Variants in DAB1 observed in about 807,000 individuals in gnomAD.
The protein encoded by DAB1 is DAB adaptor protein 1, also known as disabled homolog 1.
Under a neutral mutation model 64.6 loss-of-function variants are expected in DAB1, and 15 were observed. The ratio of observed to expected loss-of-function variants is 0.23; its 90% confidence interval spans 0.16 to 0.36. The LOEUF (loss-of-function observed/expected upper bound fraction) is 0.36. DAB1 is among the 10% of genes least tolerant of loss of function. The pLI, the probability that DAB1 is intolerant of heterozygous loss-of-function variation, is 1.00. For missense variants in DAB1, 596 were observed against 706.7 expected, an observed-to-expected ratio of 0.84 and a Z score of 1.78; for synonymous variants, 235 against 251.9, an observed-to-expected ratio of 0.93 and a Z score of 0.64.
intron 1 of DAB1, among the ~76,000 whole-genome samples, chr1:57,408,681 T>C (rs1012025694): frequency 1.1e-4 from 17 of 152,158 alleles, no homozygotes; most frequent in African/African-American, 4.1e-4. Context: ...TGGGATACGG[T>C]AGGAGAAATG....
chr1:58,325,617 G>C (rs373776579), intron 4 of DAB1, among the ~76,000 whole-genome samples: 2 of 152,134 alleles, frequency 1.3e-5, no homozygotes, highest in East Asian at 3.9e-4. Flanking sequence ...TAGGGCCTCA[G>C]TTTTCTCATT....
At chr1:57,697,596 A>C (rs988078483) in intron 6 of DAB1, among the ~76,000 whole-genome samples, 1 of 152,188 alleles carries the variant, frequency 6.6e-6, no homozygotes, top group Non-Finnish European at 1.5e-5. Context: ...CTCAAGACCT[A>C]AGATAATACA....
At chr1:57,271,651 A>G (rs1174790414) in intron 2 of DAB1, among the ~76,000 whole-genome samples, 2 of 152,196 alleles carry the variant, frequency 1.3e-5, no homozygotes, top group Non-Finnish European at 2.9e-5. Flanking sequence ...TGTGAGAGCT[A>G]CTGTACTAGA....
In DAB1 at chr1:57,249,096, C is replaced by T. The variant is rs186346846; in HGVS notation, c.67+41868G>A. Among the ~76,000 whole-genome samples, 68 of 152,296 alleles carry T rather than the reference C, an allele frequency of 4.5e-4. 1 individual carries two copies. Among genetic ancestry groups the T allele is most frequent in the East Asian group, 7.7e-4 (4 of 5,186 alleles). On this transcript the variant is annotated intron_variant, in intron 2 of 14. Coordinates refer to ENST00000371236, the MANE Select transcript of DAB1 (RefSeq NM_001365792.1). ...AGTCAATTATTCAATTGTCAAGTGTCTACTGAAGGCTTTCCAAGTGTTTTT... is the reference window on the plus strand; with the variant it reads ...AGTCAATTATTCAATTGTCAAGTGTTTACTGAAGGCTTTCCAAGTGTTTTT...
At chr1:57,023,159 G>GGATATATCTA (rs1193191779) in intron 11 of DAB1, among the ~76,000 whole-genome samples, 26 of 152,314 alleles carry the variant, frequency 1.7e-4, no homozygotes, top group African/African-American at 6.0e-4. Context: ...GTCTCAAGAA[G>GGATATATCTA]TCTATAGAAA....
chr1:58,316,991 T>C (rs1008012345), intron 4 of DAB1, among the ~76,000 whole-genome samples: 12 of 152,250 alleles, frequency 7.9e-5, no homozygotes, highest in Non-Finnish European at 1.3e-4. Flanking sequence ...ATCATTACAA[T>C]GATCCATAAC....
chr1:57,146,443 CCTT>C (rs1293491607), intron 2 of DAB1, among the ~76,000 whole-genome samples: 1 of 152,112 alleles, frequency 6.6e-6, no homozygotes, highest in East Asian at 1.9e-4. Flanking sequence ...CTTGATTTCT[CCTT>C]CATCATGCTT....
rs142893373 is a variant in DAB1 at position 57,564,083 on chromosome 1, C to T, written n.625+85509G>A. 2.0e-3 allele frequency among the ~76,000 whole-genome samples: 298 copies of T among 152,238 alleles called. 5 individuals are homozygous for T. Among genetic ancestry groups the T allele is most frequent in the African/African-American group, 1.0e-3 (42 of 41,554 alleles). On this transcript the variant is annotated intron_variant and non_coding_transcript_variant, in intron 7 of 20. Transcript: ENST00000485760. ...CACATGGCTGGGTACCCCTCTGAGA[C>T]GAAGCTTCCAGAGGAACAATCAGGC... is the stretch of plus-strand genomic sequence containing the variant.
chr1:57,341,467 G>T (rs1480195420), intron 1 of DAB1, among the ~76,000 whole-genome samples: 3 of 152,250 alleles, frequency 2.0e-5, no homozygotes, highest in East Asian at 1.9e-4. Context: ...TCATTAGACA[G>T]GAATATCAGA....
rs557858302 is a variant in DAB1, at chr1:58,314,445, C to T, written n.309+28907G>A. On this transcript the variant is annotated intron_variant and non_coding_transcript_variant, in intron 4 of 20. Coordinates refer to the DAB1 transcript ENST00000485760. Reference sequence around the variant, plus strand: ...ACTCTTTTGGATTCTCTGGTTTTTGCGCCCTCTTTTTATTTCAGGTGGAAG... The same window carrying T: ...ACTCTTTTGGATTCTCTGGTTTTTGTGCCCTCTTTTTATTTCAGGTGGAAG... Among the ~76,000 whole-genome samples, 21 of 152,212 alleles carry T rather than the reference C, an allele frequency of 1.4e-4. 1 individual carries two copies. Among genetic ancestry groups the T allele is most frequent in the African/African-American group, 3.1e-4 (13 of 41,538 alleles).
At chr1:57,615,394 T>C (rs1032197222) in intron 7 of DAB1, among the ~76,000 whole-genome samples, 1 of 152,136 alleles carries the variant, frequency 6.6e-6, no homozygotes, top group Admixed American at 6.5e-5. Flanking sequence ...AACGTGGATG[T>C]AATGGCTGAA....
At chr1:57,109,385 CACCCAGCAGACTCTTTTAGTG>C (rs1352533310) in intron 4 of DAB1, among the ~76,000 whole-genome samples, 1 of 152,160 alleles carries the variant, frequency 6.6e-6, no homozygotes, top group Non-Finnish European at 1.5e-5. Context: ...TCGTTTTGAA[CACCCAGCAGACTCTTTTAGTG>C]ACCTCTTGAT....
At chr1:58,429,285 C>T (rs1313047843) in intron 3 of DAB1, among the ~76,000 whole-genome samples, 6 of 152,000 alleles carry the variant, frequency 3.9e-5, no homozygotes, top group African/African-American at 1.5e-4. Flanking sequence ...GGAGAGTCAC[C>T]AGGACATAAA....
intron 4 of DAB1, among the ~76,000 whole-genome samples, chr1:58,229,754 T>C (rs1659687932): frequency 6.6e-6 from 1 of 152,272 alleles, no homozygotes; most frequent in African/African-American, 2.4e-5. Flanking sequence ...ATTTTACAGA[T>C]GTGAAAGCTG....
chr1:58,500,357 G>A (rs937034494), intron 3 of DAB1, among the ~76,000 whole-genome samples: 4 of 152,068 alleles, frequency 2.6e-5, no homozygotes, highest in African/African-American at 9.7e-5. Flanking sequence ...TGTGTACACT[G>A]GCCAACAACG....
chr1:57,062,632 C>T (rs1018243306), intron 9 of DAB1, among the ~76,000 whole-genome samples: 9 of 152,294 alleles, frequency 5.9e-5, no homozygotes, highest in African/African-American at 1.9e-4. Context: ...GAGTAGTTCA[C>T]GTGATTCAAC....
chr1:57,660,037 C>T (rs72910541), intron 6 of DAB1, among the ~76,000 whole-genome samples: 214 of 150,648 alleles, frequency 1.4e-3, no homozygotes, highest in African/African-American at 4.8e-3. Flanking sequence ...AAGATAGATA[C>T]TGATAATTAT....
At chr1:58,437,749 C>A (rs1356789322) in intron 3 of DAB1, among the ~76,000 whole-genome samples, 1 of 152,176 alleles carries the variant, frequency 6.6e-6, no homozygotes, top group Non-Finnish European at 1.5e-5. Context: ...ATGTTGTGGG[C>A]CTGCCGCACC....
rs149384419 is a variant in DAB1 at position 58,173,594 on chromosome 1, G to T, written n.310-23006C>A. ...AAAATAGAACACAGGGAGCCACTCAGTTTGCTCCCAAAACCCCTTTCCAGC... is the reference window on the plus strand; with the variant it reads ...AAAATAGAACACAGGGAGCCACTCATTTTGCTCCCAAAACCCCTTTCCAGC... On this transcript the variant is annotated intron_variant and non_coding_transcript_variant, in intron 4 of 20. Coordinates refer to the DAB1 transcript ENST00000485760. Among the ~76,000 whole-genome samples the T allele has an allele frequency of 4.6e-3, 706 of 152,262 alleles. 25 individuals are homozygous for T. The East Asian group carries it at 0.09, about 19-fold the overall frequency.
Sources: allele counts gnomAD v4.1 joint callset (sites outside exome capture counted in the v4.1 genomes callset), GRCh38; gene constraint gnomAD v4.1.1; transcripts MANE v1.5; gene names NCBI Gene and HGNC (gene_info 2026-07-23, HGNC 2026-07-21).